Variants in CNDP2 observed in about 807,000 individuals in gnomAD.
The protein encoded by CNDP2 is cytosolic non-specific dipeptidase.
In CNDP2, 38 loss-of-function variants were observed where a neutral mutation model predicts 55.0. The ratio of observed to expected loss-of-function variants is 0.69; its 90% CI spans 0.53 to 0.90. The LOEUF (loss-of-function observed/expected upper bound fraction) is 0.90, where lower values mean the gene tolerates loss of function less well. CNDP2 is among the 40% of genes least tolerant of loss of function. The probability of loss-of-function intolerance (pLI) is 0.00; values close to 1 mark genes in which losing one functional copy is unlikely to be tolerated. For synonymous variants in CNDP2, 241 were observed against 260.2 expected, an observed-to-expected ratio of 0.93 and a Z score of 0.71; for missense variants, 607 against 621.7, an observed-to-expected ratio of 0.98 and a Z score of 0.25.
At position 74,512,426 on chromosome 18, in the gene CNDP2, A is replaced by T. The variant is rs748804598; in HGVS notation, c.658-22A>T. On this transcript the variant is annotated intron_variant, in intron 6 of 11. Coordinates refer to ENST00000324262, the MANE Select transcript of CNDP2 (RefSeq NM_018235.3). ...AAGCTCCCACTAGGCAGCCAGACACAGTGGCCTTTGTTTCCGTGCAGGTGG... is the reference window on the plus strand; with the variant it reads ...AAGCTCCCACTAGGCAGCCAGACACTGTGGCCTTTGTTTCCGTGCAGGTGG... 6.8e-6 allele frequency: 11 copies of T among 1,606,456 alleles called. No individual in the cohort carries two copies. The South Asian group carries it at 1.2e-4, about 18-fold the overall frequency.
intron 4 of CNDP2, chr18:74,508,612 A>C: frequency 4.2e-6 from 2 of 471,954 alleles, no homozygotes; most frequent in South Asian, 3.0e-5. Flanking sequence ...CCACGGTGGG[A>C]GAAGGAAGGG....
intron 8 of CNDP2, among the ~76,000 whole-genome samples, chr18:74,514,735 G>A (rs186471107): frequency 7.7e-4 from 117 of 152,174 alleles, no homozygotes; most frequent in Non-Finnish European, 1.4e-3. Flanking sequence ...GGGTTTATGC[G>A]GTACGGATGT....
intron 5 of CNDP2, 41 bp from the exon 6 acceptor site, chr18:74,510,772 C>T (rs754648445): frequency 5.8e-6 from 9 of 1,555,452 alleles, no homozygotes; most frequent in Non-Finnish European, 7.9e-6. Flanking sequence ...AAGGAAGGTT[C>T]GCAAAGCTGA....
intron 8 of CNDP2, among the ~76,000 whole-genome samples, chr18:74,514,861 G>A (rs553203700): frequency 1.2e-4 from 19 of 152,322 alleles, no homozygotes; most frequent in Middle Eastern, 3.4e-3. Context: ...AATAAGGCCC[G>A]GCTGGGCTCT....
rs147519744 is a variant in CNDP2 at position 74,510,863 on chromosome 18, C to G, written c.507C>G (p.Gly169=). Residue 169 remains glycine (G), a synonymous_variant, in exon 6 of 12, where the codon GGC becomes GGG. Coordinates refer to ENST00000324262, the MANE Select transcript of CNDP2 (RefSeq NM_018235.3). ...RFCLEGMEES[G]SEGLDELIFA... is the part of the protein sequence containing the mutation. ...GCCTCGAAGGCATGGAGGAGTCAGG[C>G]TCTGAGGGCCTAGACGAGCTGATTT... is the stretch of plus-strand genomic sequence containing the variant. The G allele has an allele frequency of 1.2e-4, 190 of 1,614,234 alleles. No homozygotes were observed. In the African/African-American group the frequency reaches 2.3e-3, roughly 20 times the overall value.
chr18:74,496,795 G>C (rs979220991), intron 1 of CNDP2, among the ~76,000 whole-genome samples: 1 of 152,188 alleles, frequency 6.6e-6, no homozygotes, highest in Non-Finnish European at 1.5e-5. Context: ...GGGTTGCGGG[G>C]AGCCGAGCGC....
Position 74,523,236 on chromosome 18 carries a change from C to G in CNDP2, c.*3168C>G, listed in dbSNP as rs1980151813. On this transcript the variant is annotated 3_prime_UTR_variant, in exon 12 of 12. Coordinates refer to ENST00000324262, the MANE Select transcript of CNDP2 (RefSeq NM_018235.3). ...AACAACAATTTTGTAAAACCCTGGA[C>G]TGAATGGGTCTGACTAACGGCTGGT... The G allele has an allele frequency of 6.6e-6, 1 of 152,216 alleles. No homozygotes were observed. Among genetic ancestry groups the G allele is most frequent in the African/African-American group, 2.4e-5 (1 of 41,458 alleles). 9.4% of individuals were successfully genotyped at this position (152,216 alleles called of 1,614,324 possible).
At chr18:74,508,641 G>A (rs967978576) in intron 4 of CNDP2, 199 bp from the exon 5 acceptor site, 12 of 549,512 alleles carry the variant, frequency 2.2e-5, no homozygotes, top group Non-Finnish European at 3.0e-5. Flanking sequence ...GAGCATCCAC[G>A]TGGCTTATCT....
chr18:74,515,288 A>T (rs1460287254), intron 8 of CNDP2, among the ~76,000 whole-genome samples: 1 of 152,184 alleles, frequency 6.6e-6, no homozygotes, highest in Non-Finnish European at 1.5e-5. Context: ...AGGCTGTTGC[A>T]GGCACGGGAG....
chr18:74,497,321 T>G (rs910853627), intron 1 of CNDP2, among the ~76,000 whole-genome samples: 2 of 152,202 alleles, frequency 1.3e-5, no homozygotes, highest in African/African-American at 4.8e-5. Context: ...TTATTGGTTC[T>G]TAATCAGACA....
At chr18:74,505,655 G>T (rs1568278534) in intron 3 of CNDP2, among the ~76,000 whole-genome samples, 194 bp from the exon 4 acceptor site, 1 of 151,972 alleles carries the variant, frequency 6.6e-6, no homozygotes, top group Non-Finnish European at 1.5e-5. Context: ...ATGTACATGT[G>T]CTCTGGAGTA....
intron 8 of CNDP2, among the ~76,000 whole-genome samples, chr18:74,515,994 G>A (rs534918930): frequency 7.9e-5 from 12 of 152,312 alleles, no homozygotes; most frequent in Admixed American, 2.0e-4. Context: ...CTGCAGCGAC[G>A]GGCAGTGAAA....
chr18:74,519,038 C>CT lies in CNDP2; in HGVS notation c.1301dup (p.Leu435AlafsTer8), dbSNP rs1979896550. 1.9e-6 allele frequency: 3 copies of CT among 1,614,080 alleles called. No individual in the cohort carries two copies. Among genetic ancestry groups the CT allele is most frequent in the African/African-American group, 2.7e-5 (2 of 75,052 alleles). On this transcript the variant is annotated frameshift_variant, in exon 11 of 12. Coordinates refer to ENST00000324262, the MANE Select transcript of CNDP2 (RefSeq NM_018235.3). LOFTEE classifies it high-confidence loss of function. ...GGAGGCCACGGGCAAGAACGTCATG[C>CT]TGCTGCCTGTGGGGTCAGCGGATGA...
rs2144621185 is a variant in CNDP2, at chr18:74,520,112, C to T, written c.*44C>T. On this transcript the variant is annotated 3_prime_UTR_variant, in exon 12 of 12. Transcript: ENST00000324262. ...CATCTCCAATGAGAAGGAATCCTGCCCTCACCTCACCCTTTTCCAACTTGC... is the reference window on the plus strand; with the variant it reads ...CATCTCCAATGAGAAGGAATCCTGCTCTCACCTCACCCTTTTCCAACTTGC... 1 of 1,588,008 alleles carries T rather than the reference C, an allele frequency of 6.3e-7. No individual in the cohort carries two copies. The highest frequency in any genetic ancestry group is 1.1e-5 in the South Asian group (1 of 90,296).
intron 6 of CNDP2, 28 bp downstream of exon 6, chr18:74,511,041 T>A (rs754338607): frequency 6.3e-7 from 1 of 1,589,290 alleles, no homozygotes; most frequent in Non-Finnish European, 8.6e-7. Context: ...ACGGGTCACT[T>A]CTTTCTAACC....
chr18:74,518,778 AC>A, intron 10 of CNDP2, 138 bp downstream of exon 10: 1 of 1,426,974 alleles, frequency 7.0e-7, no homozygotes, highest in Non-Finnish European at 9.7e-7. Flanking sequence ...CAGCATGAGG[AC>A]AGCTAGTGTG....
In CNDP2 at chr18:74,518,490, G is replaced by A. The variant is rs1310983184; in HGVS notation, c.1069-9G>A. 13 of 1,614,104 alleles carry A rather than the reference G, an allele frequency of 8.1e-6. No homozygotes were observed. The highest frequency in any genetic ancestry group is 1.6e-4 in the Middle Eastern group (1 of 6,062). ...AGCATTGTATACCTCTATTCTATTT[G>A]TGGTTTAGGTCACAAGCTACCTAAC... On this transcript the variant is annotated splice_polypyrimidine_tract_variant and intron_variant, in intron 9 of 11. Coordinates refer to ENST00000324262, the MANE Select transcript of CNDP2 (RefSeq NM_018235.3).
At chr18:74,500,974 T>C (rs751572390) in intron 2 of CNDP2, 5 of 169,238 alleles carry the variant, frequency 3.0e-5, no homozygotes, top group Admixed American at 6.1e-5. Context: ...CATCGGTTTT[T>C]AAGTCATGAG....
chr18:74,501,148 A>T, intron 2 of CNDP2, 181 bp from the exon 3 acceptor site: 1 of 1,327,156 alleles, frequency 7.5e-7, no homozygotes, highest in Non-Finnish European at 9.7e-7. Context: ...TTCCCTCAGT[A>T]CAAACAGTTT....
Sources: gnomAD v4.1 joint callset for allele counts (sites outside exome capture counted in the v4.1 genomes callset) on GRCh38, gnomAD v4.1.1 for gene constraint, MANE v1.5 for transcripts, NCBI Gene and HGNC (gene_info 2026-07-23, HGNC 2026-07-21) for gene names.